CHSY3: variants seen among roughly 807,000 people sequenced by gnomAD.
CHSY3 encodes the protein N-acetylgalactosaminyl-proteoglycan 3-beta-glucuronosyltransferase 3.
In CHSY3, 35 loss-of-function variants were observed where a neutral mutation model predicts 67.2. The ratio of observed to expected loss-of-function variants is 0.52; its 90% CI spans 0.40 to 0.69. The LOEUF is 0.69. CHSY3 is among the 30% of genes least tolerant of loss of function. The probability of loss-of-function intolerance (pLI) is 0.00; values close to 1 mark genes in which losing one functional copy is unlikely to be tolerated. For synonymous variants in CHSY3, 474 were observed against 434.7 expected (o/e 1.09, Z -1.12); for missense variants, 1,069 against 1,138.5 (o/e 0.94, Z 0.88).
intron 2 of CHSY3, among the ~76,000 whole-genome samples, chr5:130,091,146 G>GCA (rs148312347): frequency 0.038 from 5,684 of 149,506 alleles, 173 homozygotes; most frequent in Admixed American, 0.093. Context: ...GCACACGCGC[G>GCA]CACACACACA....
At chr5:129,919,674 C>T (rs772577893) in intron 2 of CHSY3, among the ~76,000 whole-genome samples, 2 of 152,142 alleles carry the variant, frequency 1.3e-5, no homozygotes, top group African/African-American at 2.4e-5. Context: ...TTATCTCCCC[C>T]GGGTCCCTTC....
At chr5:130,024,880 TTTATA>T (rs1354288696) in intron 2 of CHSY3, among the ~76,000 whole-genome samples, 1 of 152,142 alleles carries the variant, frequency 6.6e-6, no homozygotes, top group South Asian at 2.1e-4. Flanking sequence ...CTAAAGGTAT[TTTATA>T]TTATAAGTTA....
At chr5:130,037,305 C>T (rs1764888225) in intron 2 of CHSY3, among the ~76,000 whole-genome samples, 1 of 152,064 alleles carries the variant, frequency 6.6e-6, no homozygotes, top group African/African-American at 2.4e-5. Context: ...TCTTAGAAAG[C>T]AGGATGAGGG....
intron 2 of CHSY3, among the ~76,000 whole-genome samples, chr5:130,003,341 C>A (rs780439925): frequency 1.6e-4 from 24 of 152,146 alleles, no homozygotes; most frequent in Non-Finnish European, 3.4e-4. Flanking sequence ...GTTAAAGGAG[C>A]AATAGTTTTA....
intron 2 of CHSY3, among the ~76,000 whole-genome samples, chr5:130,114,706 A>G (rs1767726419): frequency 6.6e-6 from 1 of 152,142 alleles, no homozygotes; most frequent in Non-Finnish European, 1.5e-5. Flanking sequence ...CTAAAACAAA[A>G]AGCTTTTTCC....
intron 2 of CHSY3, among the ~76,000 whole-genome samples, chr5:130,099,222 T>G (rs1369769523): frequency 2.6e-5 from 4 of 152,236 alleles, no homozygotes; most frequent in Non-Finnish European, 5.9e-5. Context: ...AATGGAATAA[T>G]TACGTGGAAG....
chr5:130,177,982 C>T (rs1387296008), intron 2 of CHSY3, among the ~76,000 whole-genome samples: 1 of 151,114 alleles, frequency 6.6e-6, no homozygotes, highest in East Asian at 1.9e-4. Context: ...ATTTTATTAC[C>T]TTTATTTTCC....
intron 2 of CHSY3, among the ~76,000 whole-genome samples, chr5:130,028,695 C>T (rs1198044396): frequency 6.6e-6 from 1 of 152,008 alleles, no homozygotes; most frequent in Non-Finnish European, 1.5e-5. Flanking sequence ...TGGAAAAAAT[C>T]TCTGTCTCTG....
intron 2 of CHSY3, among the ~76,000 whole-genome samples, chr5:130,041,152 C>T (rs1401398903): frequency 6.6e-6 from 1 of 152,006 alleles, no homozygotes; most frequent in Non-Finnish European, 1.5e-5. Flanking sequence ...TTGTCTTACC[C>T]CCCAAAAAAG....
chr5:130,031,055 C>A (rs371857847), intron 2 of CHSY3, among the ~76,000 whole-genome samples: 1 of 151,288 alleles, frequency 6.6e-6, no homozygotes, highest in East Asian at 2.0e-4. Context: ...CAGATGGTGT[C>A]ATATAAAGAA....
At chr5:130,005,376 C>T (rs1039803574) in intron 2 of CHSY3, among the ~76,000 whole-genome samples, 4 of 151,868 alleles carry the variant, frequency 2.6e-5, no homozygotes, top group Non-Finnish European at 4.4e-5. Flanking sequence ...GATTGCGCCA[C>T]TGCACTCCAG....
At chr5:130,074,464 A>G (rs992067530) in intron 2 of CHSY3, among the ~76,000 whole-genome samples, 1 of 152,190 alleles carries the variant, frequency 6.6e-6, no homozygotes, top group Non-Finnish European at 1.5e-5. Context: ...GTTAAAACAT[A>G]GGAAATGAGA....
intron 2 of CHSY3, among the ~76,000 whole-genome samples, chr5:130,053,618 T>C (rs1287223334): frequency 1.3e-5 from 2 of 152,186 alleles, no homozygotes; most frequent in African/African-American, 4.8e-5. Flanking sequence ...TTACGTCACA[T>C]GTGTCTTACA....
intron 2 of CHSY3, among the ~76,000 whole-genome samples, chr5:129,953,266 G>A (rs1762077447): frequency 6.6e-6 from 1 of 152,096 alleles, no homozygotes; most frequent in Admixed American, 6.6e-5. Context: ...TGCTGAGAAT[G>A]ATGCTTTCCA....
chr5:130,178,469 G>C (rs185250757), intron 2 of CHSY3, among the ~76,000 whole-genome samples: 1 of 151,512 alleles, frequency 6.6e-6, no homozygotes, highest in Non-Finnish European at 1.5e-5. Flanking sequence ...AGCCAGGATG[G>C]TCTCCATCTC....
In CHSY3 at chr5:129,968,684, C is replaced by T. The variant is rs577869093; in HGVS notation, c.1086+60324C>T. On this transcript the variant is annotated intron_variant, in intron 2 of 2. Coordinates refer to ENST00000305031, the MANE Select transcript of CHSY3 (RefSeq NM_175856.5). ...TGGGTCAGAAGCAAATGGGAACCAA[C>T]AGTTTTGAATGAAGGTTTTTATTAA... is the stretch of plus-strand genomic sequence containing the variant. Among the ~76,000 whole-genome samples the T allele has an allele frequency of 5.5e-4, 84 of 151,910 alleles. 1 individual carries two copies. Among genetic ancestry groups the T allele is most frequent in the African/African-American group, 2.0e-3 (83 of 41,504 alleles).
chr5:130,058,621 C>T (rs1037549631), intron 2 of CHSY3, among the ~76,000 whole-genome samples: 3 of 152,120 alleles, frequency 2.0e-5, no homozygotes, highest in East Asian at 3.9e-4. Flanking sequence ...AGTGAAACTT[C>T]GTCTCAAAAA....
intron 2 of CHSY3, among the ~76,000 whole-genome samples, chr5:130,132,007 T>C (rs1440398181): frequency 6.6e-6 from 1 of 152,310 alleles, no homozygotes; most frequent in East Asian, 1.9e-4. Flanking sequence ...AGGCCCCCAC[T>C]GGCCACCTTA....
intron 2 of CHSY3, among the ~76,000 whole-genome samples, chr5:129,996,261 T>C (rs1460511367): frequency 6.6e-6 from 1 of 152,204 alleles, no homozygotes; most frequent in African/African-American, 2.4e-5. Flanking sequence ...AATGCTGCTG[T>C]CATCTGTACA....
Sources: gnomAD v4.1 joint callset for allele counts (sites outside exome capture counted in the v4.1 genomes callset) on GRCh38, gnomAD v4.1.1 for gene constraint, MANE v1.5 for transcripts, NCBI Gene and HGNC (gene_info 2026-07-23, HGNC 2026-07-21) for gene names.